ROR1: variants seen among roughly 807,000 people sequenced by gnomAD.
ROR1 encodes the protein inactive tyrosine-protein kinase transmembrane receptor ROR1.
A neutral mutation model predicts 78.8 loss-of-function variants in ROR1; 19 were observed. The observed-to-expected ratio is 0.24, with a 90% CI of 0.17 to 0.35. The LOEUF is 0.35. Among genes scored for constraint, ROR1 ranks in the 10% least tolerant of loss-of-function variants. The pLI is 1.00. For synonymous variants in ROR1, 386 were observed against 433.6 expected, an observed-to-expected ratio of 0.89 and a Z score of 1.36; for missense variants, 917 against 1,177.8, an observed-to-expected ratio of 0.78 and a Z score of 3.24.
chr1:63,788,505 A>G (rs936972289), intron 1 of ROR1, among the ~76,000 whole-genome samples: 5 of 152,142 alleles, frequency 3.3e-5, no homozygotes, highest in Non-Finnish European at 5.9e-5. Context: ...ACAGGGAGTT[A>G]CAGGCAGTAG....
chr1:63,942,520 TCTTTGTGTCCTTATTG>T (rs1274132474), intron 1 of ROR1, among the ~76,000 whole-genome samples: 1 of 152,218 alleles, frequency 6.6e-6, no homozygotes, highest in East Asian at 1.9e-4. Context: ...GCCATTTTCA[TCTTTGTGTCCTTATTG>T]CTCTGTATGA....
rs139060825 is a variant in ROR1, at chr1:63,794,544, G to A, written c.91+20036G>A. Among the ~76,000 whole-genome samples, 1,445 of 152,354 alleles carry A rather than the reference G, an allele frequency of 9.5e-3. 5 individuals are homozygous for A. Among genetic ancestry groups the A allele is most frequent in the Non-Finnish European group, 0.015 (1,025 of 68,040 alleles). On this transcript the variant is annotated intron_variant, in intron 1 of 8. Transcript: ENST00000371079. ...CTGTGCCCTGCTGGCTGGGTCCAGA[G>A]AGACAGAATGAGGAGGAGCTCAGGA...
intron 1 of ROR1, among the ~76,000 whole-genome samples, chr1:63,852,211 A>G (rs1645118307): frequency 6.6e-6 from 1 of 152,234 alleles, no homozygotes; most frequent in African/African-American, 2.4e-5. Context: ...AACTTGCCCC[A>G]TATGCACAGC....
chr1:63,814,301 T>C (rs72683036), intron 1 of ROR1, among the ~76,000 whole-genome samples: 3 of 152,318 alleles, frequency 2.0e-5, no homozygotes, highest in Non-Finnish European at 2.9e-5. Flanking sequence ...CACATACTCC[T>C]TTCTTGATTT....
chr1:64,175,113 T>C (rs1345938859), intron 8 of ROR1, among the ~76,000 whole-genome samples: 2 of 151,784 alleles, frequency 1.3e-5, no homozygotes, highest in African/African-American at 2.4e-5. Flanking sequence ...TTTTAAAGCA[T>C]AGAAAAGCAG....
At chr1:64,132,042 G>A (rs531147939) in intron 4 of ROR1, among the ~76,000 whole-genome samples, 1 of 152,070 alleles carries the variant, frequency 6.6e-6, no homozygotes, top group Non-Finnish European at 1.5e-5. Flanking sequence ...TTCCTTGCCC[G>A]CTAAGCAGTT....
Position 64,150,497 on chromosome 1 carries a change from A to T in ROR1, c.1174+7847A>T, listed in dbSNP as rs561517880. On this transcript the variant is annotated intron_variant, in intron 7 of 8. Transcript: ENST00000371079. ...TCGGGGCAAGGCAGATGTTTTCCAGATTGTGAACACTGCCATTTTTAACTT... is the reference window on the plus strand; with the variant it reads ...TCGGGGCAAGGCAGATGTTTTCCAGTTTGTGAACACTGCCATTTTTAACTT... Among the ~76,000 whole-genome samples the T allele has an allele frequency of 2.6e-5, 4 of 152,318 alleles. No individual in the cohort carries two copies. The East Asian group carries it at 7.7e-4, about 29-fold the overall frequency.
chr1:63,976,624 T>C (rs1392711140), intron 1 of ROR1, among the ~76,000 whole-genome samples: 1 of 152,160 alleles, frequency 6.6e-6, no homozygotes, highest in Non-Finnish European at 1.5e-5. Flanking sequence ...AGAATCTAGA[T>C]CCCTGGTTTG....
At chr1:64,015,044 TAGG>T (rs1557609902) in intron 2 of ROR1, among the ~76,000 whole-genome samples, 1 of 151,598 alleles carries the variant, frequency 6.6e-6, no homozygotes, top group East Asian at 2.0e-4. Context: ...CTCACAATCA[TAGG>T]AGAAGGCAAG....
At chr1:64,103,200 G>GGTTCCATCTTTTTAAA (rs1647638596) in intron 4 of ROR1, among the ~76,000 whole-genome samples, 1 of 152,156 alleles carries the variant, frequency 6.6e-6, no homozygotes, top group East Asian at 1.9e-4. Flanking sequence ...GCTCTTTTTT[G>GGTTCCATCTTTTTAAA]GTTCCATATG....
chr1:64,107,513 G>A (rs992482008), intron 4 of ROR1, among the ~76,000 whole-genome samples: 2 of 152,072 alleles, frequency 1.3e-5, no homozygotes, highest in African/African-American at 4.8e-5. Flanking sequence ...TCATTATGCA[G>A]TACCTATTAT....
At chr1:63,826,884 A>G (rs780633176) in intron 1 of ROR1, among the ~76,000 whole-genome samples, 2 of 151,842 alleles carry the variant, frequency 1.3e-5, no homozygotes, top group South Asian at 2.1e-4. Context: ...TTTGACTTGC[A>G]TTTTTCTAAT....
chr1:63,813,007 A>G (rs546694655), intron 1 of ROR1, among the ~76,000 whole-genome samples: 5 of 152,222 alleles, frequency 3.3e-5, no homozygotes, highest in Admixed American at 1.3e-4. Flanking sequence ...CCACTTTTTT[A>G]AATAAAAGAG....
At chr1:63,906,345 T>G (rs932155841) in intron 1 of ROR1, among the ~76,000 whole-genome samples, 3 of 152,184 alleles carry the variant, frequency 2.0e-5, no homozygotes, top group Non-Finnish European at 2.9e-5. Flanking sequence ...AAACATCTGG[T>G]TTCACCTCAG....
intron 1 of ROR1, among the ~76,000 whole-genome samples, chr1:63,780,784 C>G (rs1644647374): frequency 6.6e-6 from 1 of 152,166 alleles, no homozygotes; most frequent in Non-Finnish European, 1.5e-5. Flanking sequence ...TTTTTCAGAA[C>G]AGCAAGCTCT....
intron 8 of ROR1, among the ~76,000 whole-genome samples, chr1:64,168,663 G>GGT (rs1650153759): frequency 6.6e-6 from 1 of 152,196 alleles, no homozygotes; most frequent in Non-Finnish European, 1.5e-5. Context: ...ACTACAAGTA[G>GGT]TCATGTAGTA....
At chr1:63,819,697 G>A (rs1244973935) in intron 1 of ROR1, among the ~76,000 whole-genome samples, 1 of 152,266 alleles carries the variant, frequency 6.6e-6, no homozygotes, top group East Asian at 1.9e-4. Flanking sequence ...AAATTGCCTG[G>A]AACTTAAAGT....
intron 1 of ROR1, among the ~76,000 whole-genome samples, chr1:63,779,219 A>G (rs1282915380): frequency 6.6e-6 from 1 of 152,134 alleles, no homozygotes; most frequent in Non-Finnish European, 1.5e-5. Context: ...TCAATAAGCT[A>G]TATTTTGATG....
At chr1:63,922,253 G>A (rs1645661179) in intron 1 of ROR1, among the ~76,000 whole-genome samples, 1 of 152,176 alleles carries the variant, frequency 6.6e-6, no homozygotes, top group East Asian at 1.9e-4. Context: ...ACACTCCTAG[G>A]AGGAAGGTAG....
Sources: gnomAD v4.1 joint callset for allele counts (sites outside exome capture counted in the v4.1 genomes callset) on GRCh38, gnomAD v4.1.1 for gene constraint, MANE v1.5 for transcripts, NCBI Gene and HGNC (gene_info 2026-07-23, HGNC 2026-07-21) for gene names.